The following PPM1L variants were observed in gnomAD, a reference collection of about 807,000 sequenced individuals.
PPM1L encodes protein phosphatase 1L.
A neutral mutation model predicts 31.4 loss-of-function variants in PPM1L; 13 were observed. That is an observed-to-expected ratio of 0.41 (90% CI 0.27 to 0.66). The LOEUF (loss-of-function observed/expected upper bound fraction) is 0.66, where lower values mean the gene tolerates loss of function less well. Among genes scored for constraint, PPM1L ranks in the 30% least tolerant of loss-of-function variants. The pLI, the probability that PPM1L is intolerant of heterozygous loss-of-function variation, is 0.29. For synonymous variants in PPM1L, 184 were observed against 175.4 expected (o/e 1.05, Z -0.39); for missense variants, 326 against 453.7 (o/e 0.72, Z 2.56).
intron 1 of PPM1L, among the ~76,000 whole-genome samples, chr3:160,892,843 G>A (rs906842948): frequency 1.3e-5 from 2 of 152,052 alleles, no homozygotes; most frequent in South Asian, 2.1e-4. Flanking sequence ...CTCTAGATGC[G>A]AAGGAGATTA....
chr3:161,022,906 CG>C (rs1316380191), intron 2 of PPM1L, among the ~76,000 whole-genome samples: 1 of 151,996 alleles, frequency 6.6e-6, no homozygotes, highest in Non-Finnish European at 1.5e-5. Flanking sequence ...CCTCATGATC[CG>C]CCTGCCTTGG....
chr3:160,969,853 T>C (rs1716266493), intron 2 of PPM1L, among the ~76,000 whole-genome samples: 2 of 152,174 alleles, frequency 1.3e-5, no homozygotes, highest in Non-Finnish European at 2.9e-5. Context: ...TATTTTTCCA[T>C]TATAAAACTA....
chr3:160,984,403 G>A (rs76094373), intron 2 of PPM1L, among the ~76,000 whole-genome samples: 1 of 152,110 alleles, frequency 6.6e-6, no homozygotes, highest in Non-Finnish European at 1.5e-5. Flanking sequence ...CCTGAAAATC[G>A]CTGTTACCCT....
chr3:160,832,263 T>TCCCCAGAGCCTCA, intron 1 of PPM1L, among the ~76,000 whole-genome samples: 1 of 152,206 alleles, frequency 6.6e-6, no homozygotes, highest in Admixed American at 6.5e-5. Flanking sequence ...CTTGGTGGGA[T>TCCCCAGAGCCTCA]GGGGAACTCA....
intron 1 of PPM1L, among the ~76,000 whole-genome samples, chr3:160,922,133 A>AC (rs1165708381): frequency 6.6e-6 from 1 of 151,972 alleles, no homozygotes; most frequent in Non-Finnish European, 1.5e-5. Context: ...ACACGGTGAA[A>AC]CCCCATCTCT....
chr3:161,001,648 A>G (rs1344213707), intron 2 of PPM1L, among the ~76,000 whole-genome samples: 2 of 152,128 alleles, frequency 1.3e-5, no homozygotes, highest in Non-Finnish European at 2.9e-5. Flanking sequence ...AAATTATTTC[A>G]TAAATAACAC....
At chr3:160,806,959 G>A (rs1410810166) in intron 1 of PPM1L, among the ~76,000 whole-genome samples, 1 of 151,624 alleles carries the variant, frequency 6.6e-6, no homozygotes, top group Non-Finnish European at 1.5e-5. Context: ...AAGAGAGAAA[G>A]GAAAGAAAGA....
chr3:161,035,232 G>A (rs535394259), intron 2 of PPM1L, among the ~76,000 whole-genome samples: 72 of 151,444 alleles, frequency 4.8e-4, no homozygotes, highest in African/African-American at 1.7e-3. Context: ...AAAAGAGTGA[G>A]CCATCTTGCA....
chr3:160,945,074 T>A (rs1435845033), intron 1 of PPM1L, among the ~76,000 whole-genome samples: 1 of 145,310 alleles, frequency 6.9e-6, no homozygotes, highest in Non-Finnish European at 1.5e-5. Context: ...TAACATGTTA[T>A]ATATAACTAT....
intron 1 of PPM1L, among the ~76,000 whole-genome samples, chr3:160,828,357 T>C (rs1713416775): frequency 6.6e-6 from 1 of 152,052 alleles, no homozygotes; most frequent in Non-Finnish European, 1.5e-5. Context: ...ATATGGACAG[T>C]GTGACAGTGT....
chr3:160,915,630 G>T (rs1387719676), intron 1 of PPM1L, among the ~76,000 whole-genome samples: 3 of 152,174 alleles, frequency 2.0e-5, no homozygotes, highest in Non-Finnish European at 4.4e-5. Context: ...GAACAAAGCT[G>T]GGGGCATCAT....
intron 1 of PPM1L, among the ~76,000 whole-genome samples, chr3:160,803,962 G>A (rs1712516794): frequency 6.6e-6 from 1 of 152,242 alleles, no homozygotes. Context: ...CTGTCGCCCA[G>A]GATGGAGTAC....
chr3:161,055,456 C>G (rs1372459968), intron 2 of PPM1L, among the ~76,000 whole-genome samples: 1 of 152,086 alleles, frequency 6.6e-6, no homozygotes, highest in Admixed American at 6.6e-5. Context: ...TAATGACTGC[C>G]TTCACCTGCT....
intron 1 of PPM1L, among the ~76,000 whole-genome samples, chr3:160,930,061 A>G (rs575036381): frequency 1.3e-3 from 197 of 152,324 alleles, no homozygotes; most frequent in African/African-American, 4.6e-3. Flanking sequence ...TGTGCTCCCA[A>G]GAAACCTTCC....
intron 2 of PPM1L, among the ~76,000 whole-genome samples, chr3:161,038,091 G>A (rs1388192688): frequency 1.3e-5 from 2 of 151,704 alleles, no homozygotes; most frequent in African/African-American, 2.4e-5. Context: ...AAAATTAGCC[G>A]GGCGTAGTGG....
At chr3:161,027,333 G>A (rs560570301) in intron 2 of PPM1L, among the ~76,000 whole-genome samples, 9 of 152,272 alleles carry the variant, frequency 5.9e-5, no homozygotes, top group African/African-American at 2.2e-4. Context: ...ATCACCTGGT[G>A]TATTAGTCCA....
At chr3:160,802,623 T>C (rs540643382) in intron 1 of PPM1L, among the ~76,000 whole-genome samples, 1 of 152,286 alleles carries the variant, frequency 6.6e-6, no homozygotes, top group East Asian at 1.9e-4. Flanking sequence ...GACATGCATG[T>C]GGATACACAC....
chr3:160,970,445 A>ATTTTTTTTTTTT lies in PPM1L; in HGVS notation c.574+8536_574+8537insTTTTTTTTTTTT, dbSNP rs1491444648. Among the ~76,000 whole-genome samples, 5 of 33,462 alleles carry ATTTTTTTTTTTT rather than the reference A, an allele frequency of 1.5e-4. 2 individuals are homozygous for ATTTTTTTTTTTT. The highest frequency in any genetic ancestry group is 1.3e-4 in the Non-Finnish European group (1 of 7,774). The allele number at this position is 33,462 out of a possible 152,430, so 22.0% of individuals were successfully genotyped here. On this transcript the variant is annotated intron_variant, in intron 2 of 3. Coordinates refer to ENST00000498165, the MANE Select transcript of PPM1L (RefSeq NM_139245.4). ...TTATCAATCTTTTTAACCAAGCTGA[A>ATTTTTTTTTTTT]TATTTTTTTTTTTTTTTTTTTTGAG...
At chr3:160,963,976 A>G (rs911993944) in intron 2 of PPM1L, among the ~76,000 whole-genome samples, 6 of 152,068 alleles carry the variant, frequency 3.9e-5, no homozygotes, top group African/African-American at 7.2e-5. Context: ...TCAGCAAATT[A>G]ACCTCTTAGA....
Sources: allele counts gnomAD v4.1 joint callset (sites outside exome capture counted in the v4.1 genomes callset), GRCh38; gene constraint gnomAD v4.1.1; transcripts MANE v1.5; gene names NCBI Gene and HGNC (gene_info 2026-07-23, HGNC 2026-07-21).